CAMK4: variants seen among roughly 807,000 people sequenced by gnomAD.
CAMK4 encodes calcium/calmodulin-dependent protein kinase type IV.
CAMK4 carries 22 observed loss-of-function variants against 44.9 expected under a neutral mutation model. That is an observed-to-expected ratio of 0.49 (90% CI 0.35 to 0.70). CAMK4 has a LOEUF of 0.70. CAMK4 is among the 30% of genes least tolerant of loss of function. The probability of loss-of-function intolerance (pLI) is 0.01; values close to 1 mark genes in which losing one functional copy is unlikely to be tolerated. For missense variants in CAMK4, 498 were observed against 586.8 expected, an observed-to-expected ratio of 0.85 and a Z score of 1.56; for synonymous variants, 218 against 215.4, an observed-to-expected ratio of 1.01 and a Z score of -0.11.
intron 1 of CAMK4, among the ~76,000 whole-genome samples, chr5:111,254,212 C>G (rs1749639997): frequency 6.6e-6 from 1 of 152,208 alleles, no homozygotes; most frequent in Admixed American, 6.5e-5. Flanking sequence ...GTATAACCAG[C>G]TCTGCTCCTG....
chr5:111,474,844 T>A (rs1755181386), intron 8 of CAMK4, among the ~76,000 whole-genome samples: 1 of 152,170 alleles, frequency 6.6e-6, no homozygotes, highest in Non-Finnish European at 1.5e-5. Flanking sequence ...ATATTTTGTG[T>A]GCTCAATTCC....
At position 111,486,542 on chromosome 5, in the gene CAMK4, C is replaced by CACACACACACACAAT. The variant is rs139004418; in HGVS notation, c.*2076_*2077insACACACACACACAAT. 2.1e-4 allele frequency: 31 copies of CACACACACACACAAT among 147,244 alleles called. No homozygotes were observed. Among genetic ancestry groups the CACACACACACACAAT allele is most frequent in the African/African-American group, 7.5e-4 (30 of 39,760 alleles). 9.1% of individuals were successfully genotyped at this position (147,244 alleles called of 1,614,324 possible). A position where few individuals can be genotyped will look rare whatever the true frequency, so the allele number is the denominator to read the frequency against. On this transcript the variant is annotated 3_prime_UTR_variant, in exon 11 of 11. Transcript: ENST00000282356. ...ACACACACACACACACACACACACA[C>CACACACACACACAAT]GTGTTGGAAGAGCAAAGAGAGGGAA...
chr5:111,229,522 A>G (rs1302275163), intron 1 of CAMK4, among the ~76,000 whole-genome samples: 1 of 152,246 alleles, frequency 6.6e-6, no homozygotes, highest in Non-Finnish European at 1.5e-5. Context: ...AATTCAGTCC[A>G]CAGCATGGCT....
intron 2 of CAMK4, among the ~76,000 whole-genome samples, chr5:111,374,139 G>A (rs1751119514): frequency 6.6e-6 from 1 of 152,090 alleles, no homozygotes; most frequent in Admixed American, 6.6e-5. Context: ...AGGCAAACCA[G>A]CATAACTGAA....
At chr5:111,328,718 G>T (rs1431007264) in intron 1 of CAMK4, among the ~76,000 whole-genome samples, 3 of 151,896 alleles carry the variant, frequency 2.0e-5, no homozygotes, top group Non-Finnish European at 4.4e-5. Flanking sequence ...CCTTGAAGAG[G>T]TCCTTCACAT....
At chr5:111,334,628 T>G (rs1749320623) in intron 1 of CAMK4, among the ~76,000 whole-genome samples, 1 of 151,548 alleles carries the variant, frequency 6.6e-6, no homozygotes, top group Non-Finnish European at 1.5e-5. Flanking sequence ...TAATAGCAAG[T>G]CAATCATGTA....
In CAMK4 at chr5:111,484,592, A is replaced by C. The variant is rs993552519; in HGVS notation, c.*126A>C. ...TTTTTGAGGTGCAAAAAACATACAT[A>C]TATACCAGTTGGTAATTCTAACTTC... On this transcript the variant is annotated 3_prime_UTR_variant, in exon 11 of 11. Transcript: ENST00000282356. The surrounding 1 kb of genome is among the most constrained non-coding windows in gnomAD (Gnocchi z 5.3). 1 of 500,294 alleles carries C rather than the reference A, an allele frequency of 2.0e-6. No homozygotes were observed. Among genetic ancestry groups the C allele is most frequent in the Non-Finnish European group, 3.3e-6 (1 of 304,084 alleles). 31.0% of individuals were successfully genotyped at this position (500,294 alleles called of 1,614,324 possible).
At chr5:111,330,490 G>A (rs933021776) in intron 1 of CAMK4, among the ~76,000 whole-genome samples, 4 of 118,276 alleles carry the variant, frequency 3.4e-5, no homozygotes, top group Non-Finnish European at 5.2e-5. Flanking sequence ...TGTTGTTGTT[G>A]TTGTTTGGTT....
Position 111,322,100 on chromosome 5 carries a change from T to A in CAMK4, c.162-21924T>A, listed in dbSNP as rs306074. On this transcript the variant is annotated intron_variant, in intron 1 of 10. Coordinates refer to ENST00000282356, the MANE Select transcript of CAMK4 (RefSeq NM_001744.6). ...GTTATAAGACAGTTGTTTTCAGGCA[T>A]TGAGAAATGGGCAATAAAGGGCTGT... is the stretch of plus-strand genomic sequence containing the variant. 8.5e-3 allele frequency among the ~76,000 whole-genome samples: 1,298 copies of A among 152,064 alleles called. 16 individuals are homozygous for A. The highest frequency in any genetic ancestry group is 0.03 in the African/African-American group (1,250 of 41,484).
intron 5 of CAMK4, among the ~76,000 whole-genome samples, chr5:111,428,926 A>G (rs1753330893): frequency 6.6e-6 from 1 of 152,230 alleles, no homozygotes. Flanking sequence ...CGAAAGGTCA[A>G]GAAATATCTT....
chr5:111,323,186 A>G (rs1398087089), intron 1 of CAMK4, among the ~76,000 whole-genome samples: 1 of 152,116 alleles, frequency 6.6e-6, no homozygotes, highest in Non-Finnish European at 1.5e-5. Context: ...AGAGAACCAA[A>G]GGTAGGCATA....
intron 1 of CAMK4, among the ~76,000 whole-genome samples, chr5:111,263,582 A>G (rs572240322): frequency 6.6e-6 from 1 of 152,250 alleles, no homozygotes; most frequent in South Asian, 2.1e-4. Context: ...CTACATCTCA[A>G]ATGGCCTATT....
In CAMK4 at chr5:111,417,525, T is replaced by A. The variant is rs1186430957; in HGVS notation, c.459+22743T>A. Among the ~76,000 whole-genome samples the A allele has an allele frequency of 2.1e-5, 3 of 146,322 alleles. No homozygotes were observed. The Admixed American group carries it at 2.1e-4, about 10-fold the overall frequency. ...GTCACTGTGTCTGGCCCCAGCTAAT[T>A]AAAAAAAAAAAATTGTAAAGAAGGG... On this transcript the variant is annotated intron_variant, in intron 5 of 10. Coordinates refer to ENST00000282356, the MANE Select transcript of CAMK4 (RefSeq NM_001744.6).
intron 1 of CAMK4, chr5:111,266,230 A>G (rs540659165): frequency 0.013 from 1,909 of 151,542 alleles, 46 homozygotes; most frequent in African/African-American, 0.044. Flanking sequence ...ACACACACAC[A>G]CACACACACA....
rs1184110611 is a variant in CAMK4, at chr5:111,485,758, A to T, written c.*1292A>T. 1.3e-5 allele frequency: 2 copies of T among 152,140 alleles called. No homozygotes were observed. Among genetic ancestry groups the T allele is most frequent in the African/African-American group, 4.8e-5 (2 of 41,458 alleles). The allele number at this position is 152,140 out of a possible 1,614,324, so 9.4% of individuals were successfully genotyped here. On this transcript the variant is annotated 3_prime_UTR_variant, in exon 11 of 11. Transcript: ENST00000282356. Reference sequence around the variant, plus strand: ...ACTGATTTCAAATCAGACTCTTAAAAAGCTGGAACATTAGACCTGATATTT... The same window carrying T: ...ACTGATTTCAAATCAGACTCTTAAATAGCTGGAACATTAGACCTGATATTT...
At chr5:111,251,951 G>T (rs1400050036) in intron 1 of CAMK4, among the ~76,000 whole-genome samples, 1 of 152,048 alleles carries the variant, frequency 6.6e-6, no homozygotes, top group East Asian at 1.9e-4. Flanking sequence ...AGATAGATTT[G>T]GTGGAAGAAG....
chr5:111,328,243 G>A (rs368586717), intron 1 of CAMK4, among the ~76,000 whole-genome samples: 6 of 149,570 alleles, frequency 4.0e-5, no homozygotes, highest in African/African-American at 1.5e-4. Context: ...AGCCAGTTTT[G>A]CCAGCACCAT....
rs779045922 is a variant in CAMK4 at position 111,492,597 on chromosome 5, C to A, written c.*8131C>A. 3 of 152,112 alleles carry A rather than the reference C, an allele frequency of 2.0e-5. No homozygotes were observed. The highest frequency in any genetic ancestry group is 2.9e-5 in the Non-Finnish European group (2 of 68,032). 9.4% of individuals were successfully genotyped at this position (152,112 alleles called of 1,614,324 possible). ...GCTAATGTTTCTCCCAGAAACTAAACAACATAGTTTAGGGGATATTAGGCC... is the reference window on the plus strand; with the variant it reads ...GCTAATGTTTCTCCCAGAAACTAAAAAACATAGTTTAGGGGATATTAGGCC... On this transcript the variant is annotated 3_prime_UTR_variant, in exon 11 of 11. Transcript: ENST00000282356.
intron 1 of CAMK4, among the ~76,000 whole-genome samples, chr5:111,280,151 A>G (rs911047694): frequency 6.6e-6 from 1 of 152,224 alleles, no homozygotes; most frequent in Non-Finnish European, 1.5e-5. Context: ...GTGATTTACT[A>G]ATGGAATAAG....
Sources: gnomAD v4.1 joint callset for allele counts (sites outside exome capture counted in the v4.1 genomes callset) on GRCh38, gnomAD v4.1.1 for gene constraint, Gnocchi (gnomAD v3.1) non-coding constraint, MANE v1.5 for transcripts, NCBI Gene and HGNC (gene_info 2026-07-23, HGNC 2026-07-21) for gene names.